MGAT5: variants seen among roughly 807,000 people sequenced by gnomAD.
MGAT5 encodes the protein alpha-1,6-mannosylglycoprotein 6-beta-N-acetylglucosaminyltransferase.
MGAT5 carries 30 observed loss-of-function variants against 94.3 expected under a neutral mutation model. The ratio of observed to expected loss-of-function variants is 0.32; its 90% CI spans 0.24 to 0.43. The LOEUF is 0.43. MGAT5 is among the 20% of genes least tolerant of loss of function. The pLI, the probability that MGAT5 is intolerant of heterozygous loss-of-function variation, is 1.00. For missense variants in MGAT5, 691 were observed against 905.5 expected (o/e 0.76, Z 3.04); for synonymous variants, 310 against 322.9 (o/e 0.96, Z 0.43).
At chr2:134,356,249 G>A (rs1350955407) in intron 9 of MGAT5, among the ~76,000 whole-genome samples, 1 of 152,122 alleles carries the variant, frequency 6.6e-6, no homozygotes, top group Non-Finnish European at 1.5e-5. Context: ...GGAGAGAAGA[G>A]CAGATGGGGG....
intron 9 of MGAT5, among the ~76,000 whole-genome samples, chr2:134,350,700 C>T (rs548297044): frequency 3.2e-4 from 49 of 152,242 alleles, no homozygotes; most frequent in Non-Finnish European, 4.1e-4. Context: ...ACTCAAAAAA[C>T]CACATTTGAT....
chr2:134,333,383 A>G (rs1458125637), intron 4 of MGAT5, among the ~76,000 whole-genome samples: 7 of 137,588 alleles, frequency 5.1e-5, no homozygotes, highest in East Asian at 4.5e-4. Flanking sequence ...GAATTGAACA[A>G]TGAGAACACA....
chr2:134,322,366 A>G (rs996412424), intron 4 of MGAT5, among the ~76,000 whole-genome samples: 6 of 152,148 alleles, frequency 3.9e-5, no homozygotes, highest in African/African-American at 1.4e-4. Context: ...CTTAATGCCT[A>G]TTTTTAAATT....
At chr2:134,269,918 G>A (rs1219014486) in intron 1 of MGAT5, among the ~76,000 whole-genome samples, 1 of 152,238 alleles carries the variant, frequency 6.6e-6, no homozygotes, top group Non-Finnish European at 1.5e-5. Flanking sequence ...TGAAGTGTTA[G>A]TGTATGTAAC....
chr2:134,411,656 TG>T (rs1366901204), intron 11 of MGAT5, among the ~76,000 whole-genome samples: 3 of 152,200 alleles, frequency 2.0e-5, no homozygotes, highest in Admixed American at 6.5e-5. Context: ...CCCGGCAGCT[TG>T]GGCCTGGCAC....
intron 13 of MGAT5, among the ~76,000 whole-genome samples, chr2:134,426,772 A>T (rs1161084173): frequency 6.6e-6 from 1 of 151,548 alleles, no homozygotes; most frequent in East Asian, 1.9e-4. Context: ...TAGAGAGGGA[A>T]CAGTAAGTTC....
intron 1 of MGAT5, among the ~76,000 whole-genome samples, chr2:134,134,490 G>C (rs1573719206): frequency 6.6e-6 from 1 of 152,138 alleles, no homozygotes. Flanking sequence ...TGCTTTTCCT[G>C]TCCCAAGGGC....
At chr2:134,425,214 A>G (rs1042158792) in intron 13 of MGAT5, among the ~76,000 whole-genome samples, 1 of 152,232 alleles carries the variant, frequency 6.6e-6, no homozygotes, top group Non-Finnish European at 1.5e-5. Context: ...TAGAGTAATA[A>G]TGGTATTAAC....
chr2:134,206,207 A>G (rs1396426857), intron 1 of MGAT5, among the ~76,000 whole-genome samples: 2 of 152,210 alleles, frequency 1.3e-5, no homozygotes, highest in Non-Finnish European at 2.9e-5. Context: ...AGTTTACTTA[A>G]GAAACCTGTG....
chr2:134,324,891 G>A (rs1180131525), intron 4 of MGAT5, among the ~76,000 whole-genome samples: 1 of 151,976 alleles, frequency 6.6e-6, no homozygotes, highest in African/African-American at 2.4e-5. Context: ...GGAGGTGGCA[G>A]AGATTTATGA....
intron 1 of MGAT5, among the ~76,000 whole-genome samples, chr2:134,191,634 C>A (rs1231676680): frequency 6.8e-6 from 1 of 147,600 alleles, no homozygotes; most frequent in African/African-American, 2.5e-5. Context: ...TTCCTTCTCG[C>A]GCGAGCGGGT....
intron 13 of MGAT5, among the ~76,000 whole-genome samples, chr2:134,423,716 C>T (rs151295694): frequency 6.6e-6 from 1 of 152,192 alleles, no homozygotes; most frequent in African/African-American, 2.4e-5. Flanking sequence ...CTACCACTTA[C>T]TAGCAGCTTC....
At chr2:134,437,442 A>G (rs1685223717) in intron 14 of MGAT5, among the ~76,000 whole-genome samples, 1 of 152,164 alleles carries the variant, frequency 6.6e-6, no homozygotes, top group South Asian at 2.1e-4. Context: ...GAGATGTTCC[A>G]CAGTTTTCTT....
chr2:134,296,359 G>A (rs1030068128), intron 2 of MGAT5, among the ~76,000 whole-genome samples: 2 of 152,180 alleles, frequency 1.3e-5, no homozygotes, highest in Admixed American at 6.5e-5. Context: ...GTTTGGTATC[G>A]AGGGAGTGGC....
intron 1 of MGAT5, among the ~76,000 whole-genome samples, chr2:134,198,399 A>G (rs993161519): frequency 2.0e-5 from 3 of 152,210 alleles, no homozygotes; most frequent in African/African-American, 7.2e-5. Context: ...ATTACCAAGC[A>G]AGGAGCAGGA....
At chr2:134,125,467 G>A (rs1372578668) in intron 1 of MGAT5, among the ~76,000 whole-genome samples, 1 of 152,110 alleles carries the variant, frequency 6.6e-6, no homozygotes, top group East Asian at 1.9e-4. Flanking sequence ...GATACCCAGG[G>A]GCACTGCAGG....
intron 10 of MGAT5, among the ~76,000 whole-genome samples, chr2:134,390,427 A>G (rs1682331105): frequency 6.6e-6 from 1 of 152,254 alleles, no homozygotes; most frequent in Admixed American, 6.5e-5. Flanking sequence ...ATATGTATAC[A>G]TGTGCCATGT....
intron 10 of MGAT5, among the ~76,000 whole-genome samples, chr2:134,373,389 A>T (rs1487841249): frequency 6.6e-6 from 1 of 152,248 alleles, no homozygotes; most frequent in Non-Finnish European, 1.5e-5. Flanking sequence ...AAGGGTTGAC[A>T]GCGCGTTCTT....
chr2:134,276,383 A>T (rs1174915439), intron 2 of MGAT5, among the ~76,000 whole-genome samples: 3 of 152,264 alleles, frequency 2.0e-5, no homozygotes. Flanking sequence ...AATTCCGGAT[A>T]ACAATGGTAC....
Sources: gnomAD v4.1 joint callset for allele counts (sites outside exome capture counted in the v4.1 genomes callset) on GRCh38, gnomAD v4.1.1 for gene constraint, MANE v1.5 for transcripts, NCBI Gene and HGNC (gene_info 2026-07-23, HGNC 2026-07-21) for gene names.